Variants in PYGO1 observed in about 807,000 individuals in gnomAD.
PYGO1 encodes pygopus homolog 1.
PYGO1 carries 6 observed loss-of-function variants against 29.5 expected under a neutral mutation model. That is an observed-to-expected ratio of 0.20 (90% CI 0.11 to 0.40). PYGO1 has a LOEUF of 0.40. PYGO1 is among the 10% of genes least tolerant of loss of function. PYGO1 has a pLI of 1.00. For synonymous variants in PYGO1, 186 were observed against 180.5 expected (o/e 1.03, Z -0.24); for missense variants, 515 against 514.9 (o/e 1.00, Z 0.00).
chr15:55,567,718 G>A (rs970833957), intron 1 of PYGO1, among the ~76,000 whole-genome samples: 2 of 151,976 alleles, frequency 1.3e-5, no homozygotes, highest in African/African-American at 4.8e-5. Flanking sequence ...GGGTATTCTT[G>A]GATTCTTATA....
chr15:55,551,935 TTAAAA>T (rs2141649502), intron 1 of PYGO1, among the ~76,000 whole-genome samples: 1 of 152,274 alleles, frequency 6.6e-6, no homozygotes, highest in African/African-American at 2.4e-5. Flanking sequence ...ATTCAGCATA[TTAAAA>T]TAAATCAATT....
intron 1 of PYGO1, among the ~76,000 whole-genome samples, chr15:55,566,030 C>T (rs1771947504): frequency 6.6e-6 from 1 of 152,208 alleles, no homozygotes; most frequent in South Asian, 2.1e-4. Flanking sequence ...ATCAGCCTGC[C>T]TCGGCCTCCC....
intron 1 of PYGO1, among the ~76,000 whole-genome samples, chr15:55,563,227 T>G (rs1311994340): frequency 6.6e-6 from 1 of 152,116 alleles, no homozygotes; most frequent in Non-Finnish European, 1.5e-5. Flanking sequence ...ATCCAGAATA[T>G]ATGAATAATT....
At position 55,546,427 on chromosome 15, in the gene PYGO1, TCTC is replaced by T; in HGVS notation, c.853_855del (p.Glu285del). The T allele has an allele frequency of 6.2e-7, 1 of 1,614,156 alleles. No homozygotes were observed. The highest frequency in any genetic ancestry group is 8.5e-7 in the Non-Finnish European group (1 of 1,180,014). On this transcript the variant is annotated inframe_deletion, in exon 3 of 3. Transcript: ENST00000563719. The stretch of plus-strand genomic sequence containing the variant: ...GCTTCAGTGCTACTTGAACGGCTGT[TCTC>T]CTGATTTACTGCATTGTTTCGATTA...
intron 1 of PYGO1, among the ~76,000 whole-genome samples, chr15:55,553,686 C>T (rs191593564): frequency 1.8e-4 from 27 of 152,278 alleles, no homozygotes; most frequent in Admixed American, 9.2e-4. Context: ...GCTGGGATTA[C>T]AGGTGTGAGC....
At position 55,549,010 on chromosome 15, in the gene PYGO1, ATTCAGGT is replaced by A; in HGVS notation, c.50-22_50-16del. ...ACTATCACCACCTAAAAAAAAAAAA[ATTCAGGT>A]AATATTTCCCACTTGTAAGTGAAGT... On this transcript the variant is annotated splice_polypyrimidine_tract_variant and intron_variant, in intron 1 of 2. Coordinates refer to ENST00000563719, the MANE Select transcript of PYGO1 (RefSeq NM_001367806.1). The A allele has an allele frequency of 6.6e-7, 1 of 1,519,050 alleles. No individual in the cohort carries two copies. The highest frequency in any genetic ancestry group is 9.0e-7 in the Non-Finnish European group (1 of 1,110,304). The allele number at this position is 1,519,050 out of a possible 1,614,324, so 94.1% of individuals were successfully genotyped here.
chr15:55,539,093 G>T lies in PYGO1; in HGVS notation c.*6930C>A, dbSNP rs921360520. The T allele has an allele frequency of 6.6e-6, 1 of 152,104 alleles. No homozygotes were observed. Among genetic ancestry groups the T allele is most frequent in the Non-Finnish European group, 1.5e-5 (1 of 68,006 alleles). The allele number at this position is 152,104 out of a possible 1,614,324, so 9.4% of individuals were successfully genotyped here. A position where few individuals can be genotyped will look rare whatever the true frequency, so the allele number is the denominator to read the frequency against. On this transcript the variant is annotated 3_prime_UTR_variant, in exon 3 of 3. Coordinates refer to ENST00000563719, the MANE Select transcript of PYGO1 (RefSeq NM_001367806.1). ...GAAAAGAATGGCCAACAATAACATGGACTGTCTTGACAGCAGAACGTCTAC... is the reference window on the plus strand; with the variant it reads ...GAAAAGAATGGCCAACAATAACATGTACTGTCTTGACAGCAGAACGTCTAC...
chr15:55,559,611 A>G (rs1486994297), intron 1 of PYGO1, among the ~76,000 whole-genome samples: 2 of 152,236 alleles, frequency 1.3e-5, no homozygotes, highest in African/African-American at 4.8e-5. Context: ...CTGGATTAAG[A>G]AAATGTGGCA....
intron 1 of PYGO1, among the ~76,000 whole-genome samples, chr15:55,575,934 A>C (rs1056861830): frequency 4.6e-5 from 7 of 152,194 alleles, no homozygotes; most frequent in Non-Finnish European, 1.0e-4. Context: ...CCTTTGTTCC[A>C]CAGCCTTAGG....
chr15:55,551,846 T>C (rs941659985), intron 1 of PYGO1, among the ~76,000 whole-genome samples: 1 of 151,836 alleles, frequency 6.6e-6, no homozygotes, highest in African/African-American at 2.4e-5. Context: ...AACAAAATAC[T>C]AGCAAAACAA....
At chr15:55,567,183 T>C (rs2058960293) in intron 1 of PYGO1, among the ~76,000 whole-genome samples, 3 of 145,748 alleles carry the variant, frequency 2.1e-5, no homozygotes, top group Non-Finnish European at 4.5e-5. Context: ...TATCTGTTCC[T>C]GTCTTTTGCC....
chr15:55,563,333 G>A (rs1445492295), intron 1 of PYGO1, among the ~76,000 whole-genome samples: 1 of 151,606 alleles, frequency 6.6e-6, no homozygotes, highest in East Asian at 1.9e-4. Context: ...ATGTTTTTAG[G>A]GAGGAGGTGG....
intron 1 of PYGO1, among the ~76,000 whole-genome samples, chr15:55,566,629 T>C (rs2058958173): frequency 1.3e-5 from 2 of 152,328 alleles, no homozygotes; most frequent in South Asian, 4.1e-4. Context: ...AGTTCTGTTT[T>C]AATTTATTTG....
intron 1 of PYGO1, among the ~76,000 whole-genome samples, chr15:55,553,344 A>T (rs1409456912): frequency 2.0e-5 from 3 of 151,008 alleles, no homozygotes; most frequent in Non-Finnish European, 4.4e-5. Flanking sequence ...TGGACAAAGA[A>T]GGATTCCCCC....
At chr15:55,567,799 T>C (rs2058963453) in intron 1 of PYGO1, among the ~76,000 whole-genome samples, 1 of 152,188 alleles carries the variant, frequency 6.6e-6, no homozygotes, top group South Asian at 2.1e-4. Context: ...TGGGTCCATT[T>C]TCATTCTTCT....
rs1030905659 is a variant in PYGO1, at chr15:55,588,214, C to T, written c.-331G>A. On this transcript the variant is annotated 5_prime_UTR_variant, in exon 1 of 3. Coordinates refer to ENST00000563719, the MANE Select transcript of PYGO1 (RefSeq NM_001367806.1). ...CCGCCGCCGCCGCCTCCTCCCACTC[C>T]TTCTTCTTCGCCGCCGCCTCAGGAG... 1 of 211,942 alleles carries T rather than the reference C, an allele frequency of 4.7e-6. No individual in the cohort carries two copies. The highest frequency in any genetic ancestry group is 8.0e-6 in the Non-Finnish European group (1 of 124,566). 13.1% of individuals were successfully genotyped at this position (211,942 alleles called of 1,614,324 possible).
At chr15:55,558,214 C>G (rs2058915857) in intron 1 of PYGO1, among the ~76,000 whole-genome samples, 1 of 152,128 alleles carries the variant, frequency 6.6e-6, no homozygotes, top group Admixed American at 6.5e-5. Flanking sequence ...AACAGACAAA[C>G]AGAGAGCCAA....
chr15:55,575,717 A>T (rs966648598), intron 1 of PYGO1, among the ~76,000 whole-genome samples: 2 of 152,166 alleles, frequency 1.3e-5, no homozygotes, highest in Non-Finnish European at 2.9e-5. Context: ...TCTAGTTTGT[A>T]GTATTTCCAA....
At chr15:55,576,632 G>A (rs1176532824) in intron 1 of PYGO1, among the ~76,000 whole-genome samples, 1 of 150,388 alleles carries the variant, frequency 6.6e-6, no homozygotes, top group Non-Finnish European at 1.5e-5. Context: ...TTAGCCGGGC[G>A]TGGTGGTGGG....
Sources: gnomAD v4.1 joint callset for allele counts (sites outside exome capture counted in the v4.1 genomes callset) on GRCh38, gnomAD v4.1.1 for gene constraint, MANE v1.5 for transcripts, NCBI Gene and HGNC (gene_info 2026-07-23, HGNC 2026-07-21) for gene names.